The following NEK4 variants were observed in gnomAD, a reference collection of about 807,000 sequenced individuals.
NEK4 encodes the protein NIMA related kinase 4.
Under a neutral mutation model 98.4 loss-of-function variants are expected in NEK4, and 86 were observed. That is an observed-to-expected ratio of 0.87 (90% confidence interval 0.73 to 1.05). NEK4 has a LOEUF of 1.05. Ranked by LOEUF, NEK4 falls within the 50% of genes least tolerant of loss-of-function variation. The pLI, the probability that NEK4 is intolerant of heterozygous loss-of-function variation, is 0.00. For synonymous variants in NEK4, 328 were observed against 342.2 expected, an observed-to-expected ratio of 0.96 and a Z score of 0.46; for missense variants, 898 against 950.3, an observed-to-expected ratio of 0.94 and a Z score of 0.72.
chr3:52,753,542 G>A (rs1431227554), intron 6 of NEK4: 8 of 515,586 alleles, frequency 1.6e-5, no homozygotes, highest in South Asian at 3.0e-5. Flanking sequence ...TCTTTCTGGA[G>A]CATGTCTACA....
chr3:52,743,347 T>C lies in NEK4; in HGVS notation c.2004+5A>G, dbSNP rs1054563109. On this transcript the variant is annotated splice_donor_5th_base_variant and intron_variant, in intron 12 of 15. Transcript: ENST00000233027. ...CACCTTCTCTCTTAGGAGTACGTAA[T>C]GCACCTGAGTGACGCTGCAGTCAGA... 1.9e-6 allele frequency: 3 copies of C among 1,610,948 alleles called. No homozygotes were observed.
At chr3:52,745,076 C>T (rs1433329529) in intron 10 of NEK4, among the ~76,000 whole-genome samples, 2 of 151,776 alleles carry the variant, frequency 1.3e-5, no homozygotes, top group Non-Finnish European at 2.9e-5. Flanking sequence ...CCACAACGCC[C>T]GGCTAATTTT....
Position 52,770,696 on chromosome 3 carries a change from A to G in NEK4, c.51T>C (p.Tyr17=). 1 of 1,576,386 alleles carries G rather than the reference A, an allele frequency of 6.3e-7. No homozygotes were observed. Among genetic ancestry groups the G allele is most frequent in the Non-Finnish European group, 8.6e-7 (1 of 1,162,358 alleles). Residue 17 remains tyrosine (Y), a synonymous_variant, in exon 1 of 16, where the codon TAT becomes TAC. Coordinates refer to ENST00000233027, the MANE Select transcript of NEK4 (RefSeq NM_003157.6). ...CYLRVVGKGS[Y]GEVTLVKHRR... ...GGTGCTTCACAAGCGTCACCTCTCC[A>G]TAGCTCCCCTTGCCCACGACCCGCA...
Position 52,711,766 on chromosome 3 carries a change from A to G in NEK4, c.*11T>C, listed in dbSNP as rs777416618. The stretch of plus-strand genomic sequence containing the variant: ...AGGTCTTTAATTCTGGCAGCAGATT[A>G]GGACAAATGCTCAAAAATTCATGTT... On this transcript the variant is annotated 3_prime_UTR_variant, in exon 16 of 16. Coordinates refer to ENST00000233027, the MANE Select transcript of NEK4 (RefSeq NM_003157.6). The G allele has an allele frequency of 3.2e-6, 5 of 1,564,456 alleles. No homozygotes were observed. The South Asian group carries it at 5.6e-5, about 18-fold the overall frequency.
At chr3:52,755,128 A>G (rs1338703292) in intron 6 of NEK4, among the ~76,000 whole-genome samples, 2 of 151,828 alleles carry the variant, frequency 1.3e-5, no homozygotes, top group Non-Finnish European at 2.9e-5. Flanking sequence ...GAAAAAAAAA[A>G]AAAGAAAGAA....
At chr3:52,719,046 C>A (rs941490088) in intron 15 of NEK4, among the ~76,000 whole-genome samples, 1 of 152,222 alleles carries the variant, frequency 6.6e-6, no homozygotes, top group Admixed American at 6.5e-5. Flanking sequence ...GATGAGCCAT[C>A]GCGCCTGGCC....
intron 15 of NEK4, among the ~76,000 whole-genome samples, chr3:52,729,241 C>A (rs757262635): frequency 6.6e-6 from 1 of 152,024 alleles, no homozygotes; most frequent in Admixed American, 6.6e-5. Context: ...TGTGATGTCA[C>A]CCCCAGAGGC....
At chr3:52,743,544 C>G (rs1046241733) in intron 11 of NEK4, 83 bp from the exon 12 acceptor site, 9 of 1,037,518 alleles carry the variant, frequency 8.7e-6, no homozygotes, top group Non-Finnish European at 1.3e-5. Context: ...TGGAACATAC[C>G]CCAGCAGGAG....
intron 15 of NEK4, among the ~76,000 whole-genome samples, chr3:52,726,306 A>T (rs762670334): frequency 2.0e-5 from 3 of 152,170 alleles, no homozygotes; most frequent in Non-Finnish European, 4.4e-5. Flanking sequence ...TTAAGAAAAT[A>T]GAGGACTTGG....
intron 15 of NEK4, among the ~76,000 whole-genome samples, chr3:52,719,816 A>G (rs2097358526): frequency 6.6e-6 from 1 of 152,182 alleles, no homozygotes; most frequent in Non-Finnish European, 1.5e-5. Context: ...GCTCAACAGC[A>G]TACTTACACT....
intron 11 of NEK4, 125 bp downstream of exon 11, chr3:52,744,114 A>G: frequency 1.4e-6 from 1 of 735,988 alleles, no homozygotes; most frequent in Non-Finnish European, 2.4e-6. Flanking sequence ...ATCTTTTCCA[A>G]CTCGATTTCC....
chr3:52,744,308 T>C lies in NEK4; in HGVS notation c.1828-3A>G. The C allele has an allele frequency of 1.2e-6, 2 of 1,612,334 alleles. No homozygotes were observed. Among genetic ancestry groups the C allele is most frequent in the Non-Finnish European group, 1.7e-6 (2 of 1,178,362 alleles). ...TCTCTGGCTGATAATGGTCGATCCT[T>C]TAAAAGAAAGTCACAGAGTCACTTC... On this transcript the variant is annotated splice_region_variant and splice_polypyrimidine_tract_variant and intron_variant, in intron 10 of 15. Transcript: ENST00000233027.
At chr3:52,745,578 C>CAA (rs1426044451) in intron 10 of NEK4, among the ~76,000 whole-genome samples, 2 of 135,826 alleles carry the variant, frequency 1.5e-5, no homozygotes, top group Admixed American at 7.4e-5. Flanking sequence ...GACTCCACCT[C>CAA]AAAAAAAAAA....
At chr3:52,714,305 T>C (rs928473875) in intron 15 of NEK4, among the ~76,000 whole-genome samples, 6 of 152,230 alleles carry the variant, frequency 3.9e-5, no homozygotes, top group Non-Finnish European at 5.9e-5. Flanking sequence ...AGGAGGCCAT[T>C]GTTTTGGACT....
intron 6 of NEK4, among the ~76,000 whole-genome samples, chr3:52,759,956 C>T (rs1698298049): frequency 7.3e-6 from 1 of 136,300 alleles, no homozygotes; most frequent in East Asian, 2.2e-4. Flanking sequence ...ATGTGGAAGA[C>T]ACCAGAAACA....
chr3:52,741,766 G>A (rs992810268), intron 12 of NEK4, among the ~76,000 whole-genome samples: 1 of 147,416 alleles, frequency 6.8e-6, no homozygotes, highest in Non-Finnish European at 1.5e-5. Flanking sequence ...TATTTTGTTT[G>A]TTTTTTTTTT....
At chr3:52,761,165 T>G (rs1211047821) in intron 5 of NEK4, among the ~76,000 whole-genome samples, 2 of 152,198 alleles carry the variant, frequency 1.3e-5, no homozygotes, top group Non-Finnish European at 2.9e-5. Flanking sequence ...CACAGACCCC[T>G]GATTAGATGT....
chr3:52,714,989 T>C (rs1469955740), intron 15 of NEK4, among the ~76,000 whole-genome samples: 1 of 152,190 alleles, frequency 6.6e-6, no homozygotes, highest in Non-Finnish European at 1.5e-5. Context: ...AGCTTGGCAC[T>C]GGCCTGCACG....
intron 8 of NEK4, among the ~76,000 whole-genome samples, chr3:52,747,896 G>C (rs1272751637): frequency 6.6e-6 from 1 of 151,912 alleles, no homozygotes; most frequent in African/African-American, 2.4e-5. Flanking sequence ...CATGAGCTGT[G>C]ATCATGCCAC....
Sources: allele counts gnomAD v4.1 joint callset (sites outside exome capture counted in the v4.1 genomes callset), GRCh38; gene constraint gnomAD v4.1.1; transcripts MANE v1.5; gene names NCBI Gene and HGNC (gene_info 2026-07-23, HGNC 2026-07-21).